The following ITPR1 variants were observed in gnomAD, a reference collection of about 807,000 sequenced individuals.
ITPR1 encodes inositol 1,4,5-trisphosphate-gated calcium channel ITPR1.
ITPR1 carries 96 observed loss-of-function variants against 318.4 expected under a neutral mutation model. That is an observed-to-expected ratio of 0.30 (90% CI 0.26 to 0.36). ITPR1 has a LOEUF of 0.36. Among genes scored for constraint, ITPR1 ranks in the 10% least tolerant of loss-of-function variants. The pLI is 1.00. For synonymous variants in ITPR1, 1,312 were observed against 1,289.9 expected (o/e 1.02, Z -0.37); for missense variants, 2,440 against 3,460.2 (o/e 0.71, Z 7.40).
At chr3:4,567,758 C>T (rs1029808046) in intron 4 of ITPR1, among the ~76,000 whole-genome samples, 1 of 152,116 alleles carries the variant, frequency 6.6e-6, no homozygotes, top group Non-Finnish European at 1.5e-5. Flanking sequence ...TGCGTCACCA[C>T]ACCCAGCTAA....
Position 4,685,729 on chromosome 3 carries a change from A to C in ITPR1, c.3702+523A>C, listed in dbSNP as rs957465703. On this transcript the variant is annotated intron_variant, in intron 30 of 61. Transcript: ENST00000649015. ...AGTTGTACTTTGCCTCTAATTTTTC[A>C]CATTAGCGTTTGTCATTGATACGTA... Among the ~76,000 whole-genome samples the C allele has an allele frequency of 9.9e-5, 15 of 152,278 alleles. No individual in the cohort carries two copies. In the South Asian group the frequency reaches 2.9e-3, roughly 30 times the overall value.
Position 4,800,730 on chromosome 3 carries a change from A to C in ITPR1, c.7107+130A>C. Reference sequence around the variant, plus strand: ...TATTGTTTGGGGCAACTGTTTAAATAGCCAGAAGCAGGGGATGGCTGCAGG... The same window carrying C: ...TATTGTTTGGGGCAACTGTTTAAATCGCCAGAAGCAGGGGATGGCTGCAGG... On this transcript the variant is annotated intron_variant, in intron 54 of 61. Transcript: ENST00000649015. 3.2e-6 allele frequency: 3 copies of C among 935,214 alleles called. No individual in the cohort carries two copies. In the South Asian group the frequency reaches 4.9e-5, roughly 15 times the overall value. The allele number at this position is 935,214 out of a possible 1,614,324, so 57.9% of individuals were successfully genotyped here.
At chr3:4,495,570 CT>C (rs1559336834) in intron 2 of ITPR1, among the ~76,000 whole-genome samples, 1 of 152,198 alleles carries the variant, frequency 6.6e-6, no homozygotes, top group Non-Finnish European at 1.5e-5. Context: ...CCCAGTTCCC[CT>C]TTTCAGAATT....
At chr3:4,777,815 CAT>C (rs998838472) in intron 48 of ITPR1, among the ~76,000 whole-genome samples, 5 of 148,376 alleles carry the variant, frequency 3.4e-5, no homozygotes, top group African/African-American at 1.2e-4. Context: ...AAAAAACAAA[CAT>C]GTATTTTTAC....
chr3:4,526,586 T>C (rs751891753), intron 4 of ITPR1, among the ~76,000 whole-genome samples: 8 of 152,246 alleles, frequency 5.3e-5, no homozygotes, highest in Non-Finnish European at 7.3e-5. Flanking sequence ...TAAGTTACAA[T>C]AGCCAATGTT....
In ITPR1 at chr3:4,710,518, A is replaced by G; in HGVS notation, c.4991+45A>G. 2 of 1,532,268 alleles carry G rather than the reference A, an allele frequency of 1.3e-6. No homozygotes were observed. Among genetic ancestry groups the G allele is most frequent in the African/African-American group, 2.8e-5 (2 of 72,714 alleles). 94.9% of individuals were successfully genotyped at this position (1,532,268 alleles called of 1,614,324 possible). A position where few individuals can be genotyped will look rare whatever the true frequency, so the allele number is the denominator to read the frequency against. On this transcript the variant is annotated intron_variant, in intron 38 of 61. Coordinates refer to ENST00000649015, the MANE Select transcript of ITPR1 (RefSeq NM_001378452.1). The surrounding 1 kb of genome is among the most constrained non-coding windows in gnomAD (Gnocchi z 4.2). ...GGGGTGTTCATTTGCCAGAACCTTG[A>G]TGACCTCACAAAGCTTTTGTTCCCG... is the stretch of plus-strand genomic sequence containing the variant.
At chr3:4,567,368 GA>G (rs1482752885) in intron 4 of ITPR1, among the ~76,000 whole-genome samples, 2 of 152,218 alleles carry the variant, frequency 1.3e-5, no homozygotes, top group Non-Finnish European at 2.9e-5. Flanking sequence ...TTCCAGGTTG[GA>G]GGGGGGATGA....
chr3:4,837,006 A>G, intron 61 of ITPR1, 71 bp downstream of exon 61: 1 of 1,320,734 alleles, frequency 7.6e-7, no homozygotes, highest in Non-Finnish European at 1.0e-6. Context: ...CACCACACCA[A>G]ATCTGATGAG....
rs897876669 is a variant in ITPR1 at position 4,538,100 on chromosome 3, G to A, written c.163+17006G>A. On this transcript the variant is annotated intron_variant, in intron 4 of 61. Transcript: ENST00000649015. Reference sequence around the variant, plus strand: ...GTTCTTCCTTTATTCTTTTAAATTAGATAATCAATTTACAAATCTGACTTC... The same window carrying A: ...GTTCTTCCTTTATTCTTTTAAATTAAATAATCAATTTACAAATCTGACTTC... 2.0e-5 allele frequency among the ~76,000 whole-genome samples: 3 copies of A among 151,564 alleles called. No homozygotes were observed. In the East Asian group the frequency reaches 5.8e-4, roughly 29 times the overall value.
intron 4 of ITPR1, among the ~76,000 whole-genome samples, chr3:4,524,284 G>A (rs1169678183): frequency 6.8e-6 from 1 of 146,988 alleles, no homozygotes; most frequent in South Asian, 2.2e-4. Flanking sequence ...TTCAACTGCG[G>A]TGCAGCATAC....
intron 44 of ITPR1, among the ~76,000 whole-genome samples, chr3:4,755,949 C>G (rs1156590845): frequency 6.6e-6 from 1 of 152,206 alleles, no homozygotes; most frequent in Admixed American, 6.5e-5. Context: ...CTCATTAAAG[C>G]TGGAAACATC....
chr3:4,800,353 C>A, intron 53 of ITPR1, 72 bp from the exon 54 acceptor site: 8 of 1,466,302 alleles, frequency 5.5e-6, no homozygotes, highest in South Asian at 4.9e-5. Flanking sequence ...TGTAACAGTG[C>A]ATGTTTTAGG....
chr3:4,813,580 G>A (rs551952474), intron 57 of ITPR1, among the ~76,000 whole-genome samples: 29 of 152,214 alleles, frequency 1.9e-4, no homozygotes, highest in South Asian at 8.3e-4. Context: ...TTAGGCACCC[G>A]GCCTACTACT....
intron 24 of ITPR1, among the ~76,000 whole-genome samples, chr3:4,677,056 G>A (rs999446421): frequency 9.9e-5 from 15 of 152,112 alleles, no homozygotes; most frequent in Non-Finnish European, 2.1e-4. Flanking sequence ...ATGATCATTG[G>A]CCTCCATGCC....
chr3:4,610,991 T>TTCTCCTTCTCCTTCTCCTTCTCCA (rs2092059311), intron 4 of ITPR1, among the ~76,000 whole-genome samples: 1 of 76,884 alleles, frequency 1.3e-5, no homozygotes, highest in South Asian at 6.7e-4. Context: ...CTCCTTCTCC[T>TTCTCCTTCTCCTTCTCCTTCTCCA]TCTCCTTCCC....
intron 2 of ITPR1, among the ~76,000 whole-genome samples, chr3:4,509,732 G>A (rs2081658022): frequency 6.6e-6 from 1 of 152,246 alleles, no homozygotes; most frequent in South Asian, 2.1e-4. Flanking sequence ...GGGAGGTCAA[G>A]GCTGCAGTGA....
chr3:4,809,359 A>G (rs2048789616), intron 55 of ITPR1, among the ~76,000 whole-genome samples: 1 of 152,236 alleles, frequency 6.6e-6, no homozygotes, highest in African/African-American at 2.4e-5. Flanking sequence ...GACTGTTTTT[A>G]AAAAACATAT....
chr3:4,518,304 C>T (rs2082307091), intron 3 of ITPR1, among the ~76,000 whole-genome samples: 1 of 152,184 alleles, frequency 6.6e-6, no homozygotes, highest in South Asian at 2.1e-4. Context: ...CCTTCTTTCT[C>T]TTCCAGGGCA....
In ITPR1 at chr3:4,591,501, T is replaced by G. The variant is rs139657742; in HGVS notation, c.164-36262T>G. On this transcript the variant is annotated intron_variant, in intron 4 of 61. Coordinates refer to ENST00000649015, the MANE Select transcript of ITPR1 (RefSeq NM_001378452.1). The stretch of plus-strand genomic sequence containing the variant: ...CAGTGATATTGAGCTTTTCTTCATA[T>G]GCTTGTTGCCTGGTTCAACTTTGAT... 9.0e-4 allele frequency among the ~76,000 whole-genome samples: 137 copies of G among 152,358 alleles called. 1 individual carries two copies. Among genetic ancestry groups the G allele is most frequent in the African/African-American group, 3.1e-3 (130 of 41,582 alleles).
Sources: allele counts gnomAD v4.1 joint callset (sites outside exome capture counted in the v4.1 genomes callset), GRCh38; gene constraint gnomAD v4.1.1; non-coding constraint Gnocchi (gnomAD v3.1); transcripts MANE v1.5; gene names NCBI Gene and HGNC (gene_info 2026-07-23, HGNC 2026-07-21).